Variants in ALK observed in about 807,000 individuals in gnomAD.
ALK encodes ALK tyrosine kinase receptor.
A neutral mutation model predicts 163.1 loss-of-function variants in ALK; 74 were observed. That is an observed-to-expected ratio of 0.45 (90% CI 0.38 to 0.55). The LOEUF (loss-of-function observed/expected upper bound fraction) is 0.55. ALK is among the 20% of genes least tolerant of loss of function. The probability of loss-of-function intolerance (pLI) is 0.00; values close to 1 mark genes in which losing one functional copy is unlikely to be tolerated. For missense variants in ALK, 2,063 were observed against 2,105.3 expected, an observed-to-expected ratio of 0.98 and a Z score of 0.39; for synonymous variants, 960 against 843.2, an observed-to-expected ratio of 1.14 and a Z score of -2.40.
At chr2:29,274,296 T>C (rs757393032) in intron 11 of ALK, among the ~76,000 whole-genome samples, 1 of 152,272 alleles carries the variant, frequency 6.6e-6, no homozygotes, top group Non-Finnish European at 1.5e-5. Context: ...CATTGATCTG[T>C]TATTATTTTG....
intron 3 of ALK, among the ~76,000 whole-genome samples, chr2:29,599,518 G>T (rs1675316703): frequency 1.3e-5 from 2 of 152,162 alleles, no homozygotes; most frequent in South Asian, 4.1e-4. Context: ...TGGCTTTTGG[G>T]GTACAAGAAT....
At chr2:29,407,993 T>C (rs1284964792) in intron 4 of ALK, among the ~76,000 whole-genome samples, 2 of 152,084 alleles carry the variant, frequency 1.3e-5, no homozygotes, top group African/African-American at 4.8e-5. Flanking sequence ...CAGAGAAAGA[T>C]ATCCCACCAT....
intron 26 of ALK, among the ~76,000 whole-genome samples, chr2:29,200,856 T>C (rs1256591589): frequency 6.8e-6 from 1 of 147,642 alleles, no homozygotes; most frequent in Non-Finnish European, 1.5e-5. Context: ...TATAGATACG[T>C]ATATATATGT....
At chr2:29,796,989 T>G (rs1323111888) in intron 1 of ALK, among the ~76,000 whole-genome samples, 1 of 147,684 alleles carries the variant, frequency 6.8e-6, no homozygotes, top group South Asian at 2.1e-4. Context: ...TACACATATA[T>G]GCACGCACAC....
intron 3 of ALK, among the ~76,000 whole-genome samples, chr2:29,581,462 C>A (rs1674688879): frequency 6.6e-6 from 1 of 152,176 alleles, no homozygotes; most frequent in Non-Finnish European, 1.5e-5. Flanking sequence ...AAGGGAGGGC[C>A]ACACCTGGTG....
At chr2:29,281,351 G>T (rs150382569) in intron 9 of ALK, among the ~76,000 whole-genome samples, 174 of 152,274 alleles carry the variant, frequency 1.1e-3, no homozygotes, top group African/African-American at 4.1e-3. Flanking sequence ...TCTGTGGGCA[G>T]CCTGGTCAAG....
At chr2:29,793,589 A>G (rs1329867788) in intron 1 of ALK, among the ~76,000 whole-genome samples, 1 of 152,158 alleles carries the variant, frequency 6.6e-6, no homozygotes, top group Admixed American at 6.6e-5. Flanking sequence ...AGTCAAAATT[A>G]GTCCACTATC....
rs917181210 is a variant in ALK, at chr2:29,673,836, T to C, written c.952+21014A>G. Among the ~76,000 whole-genome samples, 9 of 151,616 alleles carry C rather than the reference T, an allele frequency of 5.9e-5. No homozygotes were observed. In the South Asian group the frequency reaches 6.3e-4, roughly 11 times the overall value. On this transcript the variant is annotated intron_variant, in intron 3 of 28. Coordinates refer to ENST00000389048, the MANE Select transcript of ALK (RefSeq NM_004304.5). Reference sequence around the variant, plus strand: ...CATGGAATGTTCTTCCATTTGTTTGTATCCTCTTTTATTTCCTTGAGCAGT... The same window carrying C: ...CATGGAATGTTCTTCCATTTGTTTGCATCCTCTTTTATTTCCTTGAGCAGT...
Position 29,799,354 on chromosome 2 carries a change from A to G in ALK, c.668-81657T>C, listed in dbSNP as rs1033539965. Among the ~76,000 whole-genome samples, 6 of 152,226 alleles carry G rather than the reference A, an allele frequency of 3.9e-5. No homozygotes were observed. The East Asian group carries it at 5.8e-4, about 15-fold the overall frequency. On this transcript the variant is annotated intron_variant, in intron 1 of 28. Transcript: ENST00000389048. ...GTTGGGTTGGAAAGAATGACCATGTATCACTTTAAAAACACTAATAAAGTA... is the reference window on the plus strand; with the variant it reads ...GTTGGGTTGGAAAGAATGACCATGTGTCACTTTAAAAACACTAATAAAGTA...
At chr2:29,645,385 T>C (rs1254166981) in intron 3 of ALK, among the ~76,000 whole-genome samples, 1 of 152,160 alleles carries the variant, frequency 6.6e-6, no homozygotes, top group Non-Finnish European at 1.5e-5. Context: ...AAACTTGGCT[T>C]CTTTCATATA....
At position 29,706,948 on chromosome 2, in the gene ALK, G is replaced by C. The variant is rs778486328; in HGVS notation, c.787+10630C>G. 5.5e-4 allele frequency among the ~76,000 whole-genome samples: 80 copies of C among 145,978 alleles called. 1 individual carries two copies. The highest frequency in any genetic ancestry group is 9.7e-4 in the Non-Finnish European group (65 of 66,672). On this transcript the variant is annotated intron_variant, in intron 2 of 28. Transcript: ENST00000389048. ...GGACTTCCAGTTTAATTCTCTGCTT[G>C]CAATTTCCAGGAAACACTCATGCAG... is the stretch of plus-strand genomic sequence containing the variant.
intron 1 of ALK, among the ~76,000 whole-genome samples, chr2:29,746,315 T>C (rs990103262): frequency 2.0e-5 from 3 of 152,372 alleles, no homozygotes; most frequent in Non-Finnish European, 2.9e-5. Flanking sequence ...TTAATTTTTA[T>C]GGAAAATGAC....
At chr2:29,259,847 T>A (rs1240622556) in intron 11 of ALK, among the ~76,000 whole-genome samples, 2 of 152,174 alleles carry the variant, frequency 1.3e-5, no homozygotes, top group Non-Finnish European at 2.9e-5. Flanking sequence ...TCGGTTTTCT[T>A]CGTCAGGTCT....
At chr2:29,623,519 TACA>T (rs1212097692) in intron 3 of ALK, among the ~76,000 whole-genome samples, 1 of 142,394 alleles carries the variant, frequency 7.0e-6, no homozygotes, top group Admixed American at 7.1e-5. Context: ...TCTTAATTCT[TACA>T]ACAATCCTAT....
intron 5 of ALK, among the ~76,000 whole-genome samples, chr2:29,374,149 G>T (rs942683976): frequency 6.6e-6 from 1 of 152,186 alleles, no homozygotes; most frequent in Non-Finnish European, 1.5e-5. Flanking sequence ...AGAATTAGGA[G>T]ATTCAGCTTA....
chr2:29,481,639 A>G (rs1671661317), intron 4 of ALK, among the ~76,000 whole-genome samples: 1 of 152,236 alleles, frequency 6.6e-6, no homozygotes, highest in Non-Finnish European at 1.5e-5. Flanking sequence ...TGTTGAACAC[A>G]TCATCACTAA....
At chr2:29,307,057 T>C (rs74620461) in intron 8 of ALK, among the ~76,000 whole-genome samples, 169 of 152,372 alleles carry the variant, frequency 1.1e-3, no homozygotes, top group African/African-American at 4.0e-3. Context: ...CTAGGCCTAA[T>C]GCTATTATTT....
At chr2:29,507,096 C>T (rs1192409722) in intron 4 of ALK, among the ~76,000 whole-genome samples, 2 of 152,096 alleles carry the variant, frequency 1.3e-5, no homozygotes, top group Non-Finnish European at 2.9e-5. Context: ...CAGCATTATT[C>T]ACAATAGTCA....
chr2:29,218,683 C>T (rs1334771262), intron 23 of ALK, among the ~76,000 whole-genome samples: 1 of 152,212 alleles, frequency 6.6e-6, no homozygotes, highest in African/African-American at 2.4e-5. Flanking sequence ...TTTGCAAAGT[C>T]CCTCTCCTTT....
Sources: allele counts gnomAD v4.1 joint callset (sites outside exome capture counted in the v4.1 genomes callset), GRCh38; gene constraint gnomAD v4.1.1; transcripts MANE v1.5; gene names NCBI Gene and HGNC (gene_info 2026-07-23, HGNC 2026-07-21).